DEFB109B: variants seen among roughly 807,000 people sequenced by gnomAD.
The protein encoded by DEFB109B is beta-defensin 109B.
At chr8:7,316,026 G>C (rs1255270218) in intron 1 of DEFB109B, among the ~76,000 whole-genome samples, 1 of 37,234 alleles carries the variant, frequency 2.7e-5, no homozygotes, top group African/African-American at 1.7e-4. Flanking sequence ...CAGCTTTTGG[G>C]TTAAATTCTT....
intron 1 of DEFB109B, among the ~76,000 whole-genome samples, chr8:7,315,290 G>T (rs1475323171): frequency 1.5e-5 from 2 of 129,362 alleles, no homozygotes; most frequent in Admixed American, 7.1e-5. Context: ...GGCCGAGGCC[G>T]GCAGATCACG....
At chr8:7,310,635 T>C (rs1185491384), upstream of DEFB109B, among the ~76,000 whole-genome samples, 1 of 145,810 alleles carries the variant, frequency 6.9e-6, no homozygotes, top group African/African-American at 2.8e-5. Context: ...GTGTTTGAAA[T>C]ATATTCTGTA....
chr8:7,309,672 G>C (rs908618490), upstream of DEFB109B, among the ~76,000 whole-genome samples: 3 of 147,832 alleles, frequency 2.0e-5, no homozygotes, highest in Admixed American at 6.6e-5. Flanking sequence ...TGGTGATTCT[G>C]TGTAGGACTT....
chr8:7,309,785 C>T (rs1290700500), upstream of DEFB109B, among the ~76,000 whole-genome samples: 1 of 123,944 alleles, frequency 8.1e-6, no homozygotes, highest in Non-Finnish European at 1.6e-5. Context: ...AACATGTTGC[C>T]TTATATGAGG....
At chr8:7,313,297 C>A (rs544236267) in intron 1 of DEFB109B, among the ~76,000 whole-genome samples, 1 of 145,192 alleles carries the variant, frequency 6.9e-6, no homozygotes, top group Non-Finnish European at 1.5e-5. Flanking sequence ...GATTGAATTT[C>A]GGTGGCATCT....
At chr8:7,309,772 A>T (rs1802506925), upstream of DEFB109B, among the ~76,000 whole-genome samples, 1 of 132,392 alleles carries the variant, frequency 7.6e-6, no homozygotes, top group Non-Finnish European at 1.5e-5. Flanking sequence ...AGAAAGATTA[A>T]GCAACATGTT....
intron 1 of DEFB109B, chr8:7,319,424 T>A (rs1803172251): frequency 6.9e-6 from 1 of 143,988 alleles, no homozygotes; most frequent in South Asian, 2.1e-4. Flanking sequence ...AGTAACCCAC[T>A]CTGGCAGAAG....
upstream of DEFB109B, among the ~76,000 whole-genome samples, chr8:7,309,719 G>C (rs1366819127): frequency 1.2e-4 from 18 of 144,224 alleles, 1 homozygote; most frequent in Non-Finnish European, 2.4e-4. Context: ...GGCATCCTAA[G>C]TAGATCAGAA....
upstream of DEFB109B, among the ~76,000 whole-genome samples, chr8:7,310,303 C>T (rs1054323743): frequency 2.9e-3 from 92 of 31,318 alleles, 1 homozygote; most frequent in Non-Finnish European, 4.1e-3. Flanking sequence ...AGGCCAGTCA[C>T]CTGGATTGCT....
chr8:7,316,808 TATAC>T (rs1442634405), intron 1 of DEFB109B, among the ~76,000 whole-genome samples: 52 of 129,554 alleles, frequency 4.0e-4, no homozygotes, highest in African/African-American at 1.8e-3. Context: ...TATATATATA[TATAC>T]ATTTTTTTTT....
At chr8:7,315,289 C>G (rs1585314493) in intron 1 of DEFB109B, among the ~76,000 whole-genome samples, 1 of 128,754 alleles carries the variant, frequency 7.8e-6, no homozygotes, top group South Asian at 2.3e-4. Flanking sequence ...AGGCCGAGGC[C>G]GGCAGATCAC....
intron 1 of DEFB109B, among the ~76,000 whole-genome samples, chr8:7,315,896 C>T (rs932158724): frequency 5.7e-5 from 7 of 123,742 alleles, no homozygotes; most frequent in Non-Finnish European, 9.5e-5. Flanking sequence ...TTTTCTATAA[C>T]TTTCTAAATT....
chr8:7,318,665 G>A (rs543151066), intron 1 of DEFB109B: 1 of 133,302 alleles, frequency 7.5e-6, no homozygotes, highest in East Asian at 2.0e-4. Context: ...AGACCAAAAT[G>A]AAGGTATTAA....
At chr8:7,315,526 TAAAG>T (rs1236635393) in intron 1 of DEFB109B, among the ~76,000 whole-genome samples, 1 of 116,712 alleles carries the variant, frequency 8.6e-6, no homozygotes, top group Non-Finnish European at 1.7e-5. Context: ...AGAAGAAGAA[TAAAG>T]AAAGAAAGAG....
chr8:7,312,718 TA>T (rs1429899935), upstream of DEFB109B: 3 of 127,522 alleles, frequency 2.4e-5, no homozygotes, highest in Non-Finnish European at 4.6e-5. Flanking sequence ...GAGATTTAGT[TA>T]TTCTCTTTTC....
At chr8:7,309,764 A>G (rs1802506380), upstream of DEFB109B, among the ~76,000 whole-genome samples, 4 of 134,992 alleles carry the variant, frequency 3.0e-5, no homozygotes, top group African/African-American at 1.4e-4. Flanking sequence ...TATAGGCAAG[A>G]AAGATTAAGC....
chr8:7,318,943 A>G (rs989971713), intron 1 of DEFB109B: 2 of 146,512 alleles, frequency 1.4e-5, no homozygotes, highest in South Asian at 2.1e-4. Flanking sequence ...AATCTATTCT[A>G]TGACTAAGAC....
Position 7,318,985 on chromosome 8 carries a change from C to A in DEFB109B, n.59-761C>A, listed in dbSNP as rs1415493342. 6.9e-5 allele frequency: 10 copies of A among 145,690 alleles called. 2 individuals are homozygous for A. Among genetic ancestry groups the A allele is most frequent in the African/African-American group, 2.8e-4 (10 of 35,490 alleles). 9.0% of individuals were successfully genotyped at this position (145,690 alleles called of 1,614,324 possible). Reference sequence around the variant, plus strand: ...AGCAATTAAAGTAGATAGATCAAATCTAAATATGGAGAGAAAAAGTAATTT... The same window carrying A: ...AGCAATTAAAGTAGATAGATCAAATATAAATATGGAGAGAAAAAGTAATTT... On this transcript the variant is annotated intron_variant and non_coding_transcript_variant, in intron 1 of 1. Coordinates refer to ENST00000382656, the Ensembl canonical transcript of DEFB109B.
rs1276067154 is a variant in DEFB109B at position 7,316,888 on chromosome 8, G to A, written n.59-2858G>A. Among the ~76,000 whole-genome samples the A allele has an allele frequency of 3.9e-4, 49 of 126,614 alleles. No individual in the cohort carries two copies. The East Asian group carries it at 8.1e-3, about 21-fold the overall frequency. 83.1% of individuals were successfully genotyped at this position (126,614 alleles called of 152,430 possible). On this transcript the variant is annotated intron_variant and non_coding_transcript_variant, in intron 1 of 1. Coordinates refer to ENST00000382656, the Ensembl canonical transcript of DEFB109B. The stretch of plus-strand genomic sequence containing the variant: ...GAACTCCTGACCTCGTGATCCACCC[G>A]CCTCGGCCTCCCAAAGTGCTGCAAT...
Sources: gnomAD v4.1 joint callset for allele counts (sites outside exome capture counted in the v4.1 genomes callset) on GRCh38, gnomAD v4.1.1 for gene constraint, MANE v1.5 for transcripts, NCBI Gene and HGNC (gene_info 2026-07-23, HGNC 2026-07-21) for gene names.